Variants in ZBTB16 observed in about 807,000 individuals in gnomAD.
The protein encoded by ZBTB16 is zinc finger and BTB domain containing 16.
A neutral mutation model predicts 56.8 loss-of-function variants in ZBTB16; 8 were observed. That is an observed-to-expected ratio of 0.14 (90% CI 0.08 to 0.25). The LOEUF is 0.25. ZBTB16 is among the 10% of genes least tolerant of loss of function. The pLI, the probability that ZBTB16 is intolerant of heterozygous loss-of-function variation, is 1.00. For synonymous variants in ZBTB16, 363 were observed against 368.5 expected (o/e 0.98, Z 0.17); for missense variants, 625 against 903.0 (o/e 0.69, Z 3.95).
At chr11:114,096,104 A>G (rs1940395940) in intron 2 of ZBTB16, among the ~76,000 whole-genome samples, 1 of 152,248 alleles carries the variant, frequency 6.6e-6, no homozygotes, top group African/African-American at 2.4e-5. Flanking sequence ...AGTTTATTCT[A>G]TGAAAAAGTA....
intron 2 of ZBTB16, among the ~76,000 whole-genome samples, chr11:114,119,747 T>C (rs1207141031): frequency 6.6e-6 from 1 of 152,188 alleles, no homozygotes; most frequent in Admixed American, 6.5e-5. Context: ...AGACAGAGTT[T>C]TGTTAATCCT....
chr11:114,216,818 T>C (rs1485301019), intron 4 of ZBTB16, among the ~76,000 whole-genome samples: 1 of 152,232 alleles, frequency 6.6e-6, no homozygotes, highest in African/African-American at 2.4e-5. Context: ...ACTATGTGCT[T>C]AAATGCTGGG....
intron 3 of ZBTB16, among the ~76,000 whole-genome samples, chr11:114,184,211 A>G (rs1400740368): frequency 6.6e-6 from 1 of 152,194 alleles, no homozygotes; most frequent in Non-Finnish European, 1.5e-5. Context: ...AGTGAGATAG[A>G]GAAAGTCGAT....
chr11:114,183,094 G>A (rs1943285913), intron 3 of ZBTB16, among the ~76,000 whole-genome samples: 1 of 147,524 alleles, frequency 6.8e-6, no homozygotes, highest in Non-Finnish European at 1.5e-5. Flanking sequence ...CTCTCACCCT[G>A]GAGAGCTGGG....
intron 1 of ZBTB16, chr11:114,061,670 G>A (rs1004786806): frequency 2.6e-5 from 4 of 152,284 alleles, no homozygotes; most frequent in African/African-American, 9.6e-5. Context: ...AGGGTCCTGG[G>A]CCTGCGCGGT....
At chr11:114,228,796 C>T (rs747637467) in intron 4 of ZBTB16, among the ~76,000 whole-genome samples, 2 of 152,240 alleles carry the variant, frequency 1.3e-5, no homozygotes, top group Non-Finnish European at 2.9e-5. Flanking sequence ...CTTCCCCCGC[C>T]CCCTTCCACC....
intron 5 of ZBTB16, among the ~76,000 whole-genome samples, chr11:114,244,792 GT>G (rs897914268): frequency 5.1e-4 from 77 of 152,216 alleles, no homozygotes; most frequent in South Asian, 1.0e-3. Context: ...TTAACCCTTT[GT>G]TTTTTAAATT....
rs1938948066 is a variant in ZBTB16, at chr11:114,063,113, G to C, written c.-90-98G>C. The C allele has an allele frequency of 3.1e-6, 2 of 638,084 alleles. No homozygotes were observed. The allele number at this position is 638,084 out of a possible 1,614,324, so 39.5% of individuals were successfully genotyped here. A position where few individuals can be genotyped will look rare whatever the true frequency, so the allele number is the denominator to read the frequency against. ...AGGGCTTGGCAACAGGGAGGAGGGG[G>C]CATGTTGTAGTGGTTGAATTCTTAC... On this transcript the variant is annotated intron_variant, in intron 1 of 6. Transcript: ENST00000335953. The surrounding 1 kb of genome is among the most constrained non-coding windows in gnomAD (Gnocchi z 6.5).
intron 4 of ZBTB16, among the ~76,000 whole-genome samples, chr11:114,238,326 G>A (rs1038941348): frequency 1.8e-4 from 27 of 152,194 alleles, no homozygotes; most frequent in Non-Finnish European, 2.9e-4. Flanking sequence ...AAGTCAGGCT[G>A]CTATAACAAA....
chr11:114,198,447 A>G (rs957900559), intron 4 of ZBTB16, among the ~76,000 whole-genome samples: 1 of 152,248 alleles, frequency 6.6e-6, no homozygotes, highest in African/African-American at 2.4e-5. Context: ...GCTGTAGAGT[A>G]GGGAGGAACA....
At chr11:114,177,552 C>T (rs899001876) in intron 3 of ZBTB16, among the ~76,000 whole-genome samples, 2 of 152,072 alleles carry the variant, frequency 1.3e-5, no homozygotes, top group African/African-American at 4.8e-5. Context: ...GCACCCGGCC[C>T]GGGACTTCAT....
At chr11:114,076,324 G>A (rs760886651) in intron 2 of ZBTB16, among the ~76,000 whole-genome samples, 1 of 152,156 alleles carries the variant, frequency 6.6e-6, no homozygotes, top group African/African-American at 2.4e-5. Flanking sequence ...CGAGTCGGGC[G>A]GCTGGATCTG....
At chr11:114,069,681 C>T (rs1014325232) in intron 2 of ZBTB16, among the ~76,000 whole-genome samples, 18 of 152,310 alleles carry the variant, frequency 1.2e-4, no homozygotes, top group Non-Finnish European at 1.8e-4. Context: ...TTCATCATCC[C>T]GTCCAGAACC....
chr11:114,214,861 TA>T (rs1477954081), intron 4 of ZBTB16, among the ~76,000 whole-genome samples: 1 of 152,200 alleles, frequency 6.6e-6, no homozygotes. Flanking sequence ...ATTTTGAAAT[TA>T]TTTTTTTTCC....
chr11:114,195,826 T>G (rs1369732969), intron 4 of ZBTB16, among the ~76,000 whole-genome samples: 4 of 152,162 alleles, frequency 2.6e-5, no homozygotes, highest in Non-Finnish European at 5.9e-5. Flanking sequence ...ACTGGATAGG[T>G]TGACGGGGCC....
intron 2 of ZBTB16, among the ~76,000 whole-genome samples, chr11:114,124,227 G>A (rs1461564007): frequency 1.3e-5 from 2 of 152,080 alleles, no homozygotes; most frequent in African/African-American, 2.4e-5. Context: ...GAAGCAAACA[G>A]CCTTCTTTAT....
At chr11:114,235,728 TTC>T (rs1423249524) in intron 4 of ZBTB16, among the ~76,000 whole-genome samples, 2 of 150,080 alleles carry the variant, frequency 1.3e-5, no homozygotes, top group Non-Finnish European at 3.0e-5. Flanking sequence ...TTTTCTTTCT[TTC>T]TTTCTTTTCT....
intron 4 of ZBTB16, among the ~76,000 whole-genome samples, chr11:114,227,942 C>T (rs1944363210): frequency 2.0e-5 from 3 of 152,212 alleles, no homozygotes; most frequent in Admixed American, 1.3e-4. Flanking sequence ...GTCATGCAAC[C>T]ATCAACACAC....
chr11:114,249,156 C>T (rs1476778877), intron 6 of ZBTB16, among the ~76,000 whole-genome samples: 1 of 143,402 alleles, frequency 7.0e-6, no homozygotes, highest in African/African-American at 2.5e-5. Context: ...AGGGCAAGGT[C>T]TTAGCGGTTT....
Sources: allele counts gnomAD v4.1 joint callset (sites outside exome capture counted in the v4.1 genomes callset), GRCh38; gene constraint gnomAD v4.1.1; non-coding constraint Gnocchi (gnomAD v3.1); transcripts MANE v1.5; gene names NCBI Gene and HGNC (gene_info 2026-07-23, HGNC 2026-07-21).